The following TBC1D15 variants were observed in gnomAD, a reference collection of about 807,000 sequenced individuals.
TBC1D15 encodes TBC1 domain family member 15, also known as GAP for RAB7.
In TBC1D15, 39 loss-of-function variants were observed where a neutral mutation model predicts 95.4. That is an observed-to-expected ratio of 0.41 (90% CI 0.32 to 0.53). The LOEUF is 0.53. TBC1D15 is among the 20% of genes least tolerant of loss of function. The probability of loss-of-function intolerance (pLI) is 0.29; values close to 1 mark genes in which losing one functional copy is unlikely to be tolerated. For synonymous variants in TBC1D15, 258 were observed against 261.3 expected (o/e 0.99, Z 0.12); for missense variants, 733 against 794.3 (o/e 0.92, Z 0.93).
intron 5 of TBC1D15, among the ~76,000 whole-genome samples, chr12:71,886,726 A>G (rs1896300036): frequency 6.6e-6 from 1 of 152,182 alleles, no homozygotes; most frequent in Admixed American, 6.5e-5. Flanking sequence ...TGGATTGTGG[A>G]TCTTGGATCT....
intron 11 of TBC1D15, chr12:71,907,743 T>G (rs548319502): frequency 2.6e-5 from 4 of 152,348 alleles, no homozygotes; most frequent in African/African-American, 9.6e-5. Flanking sequence ...TTGCAAACCG[T>G]TGTTTGATAT....
At chr12:71,869,875 A>G (rs1264585692) in intron 1 of TBC1D15, among the ~76,000 whole-genome samples, 1 of 152,088 alleles carries the variant, frequency 6.6e-6, no homozygotes, top group African/African-American at 2.4e-5. Flanking sequence ...AATTATTTTT[A>G]AATATATGAC....
At chr12:71,864,360 A>T (rs1472116730) in intron 1 of TBC1D15, among the ~76,000 whole-genome samples, 1 of 151,648 alleles carries the variant, frequency 6.6e-6, no homozygotes, top group African/African-American at 2.4e-5. Flanking sequence ...GAGCTACTGC[A>T]CCCGGCTGCT....
At chr12:71,857,381 T>G (rs1226282894) in intron 1 of TBC1D15, among the ~76,000 whole-genome samples, 1 of 152,140 alleles carries the variant, frequency 6.6e-6, no homozygotes, top group Non-Finnish European at 1.5e-5. Context: ...ACAAAATAAT[T>G]TTTTTGTGAC....
intron 10 of TBC1D15, among the ~76,000 whole-genome samples, chr12:71,901,220 CTA>C (rs1395263908): frequency 6.6e-6 from 1 of 152,108 alleles, no homozygotes; most frequent in African/African-American, 2.4e-5. Context: ...TAGGGTCTCA[CTA>C]TGTTTCCCAG....
At chr12:71,868,276 C>T (rs1011259580) in intron 1 of TBC1D15, among the ~76,000 whole-genome samples, 4 of 146,770 alleles carry the variant, frequency 2.7e-5, no homozygotes, top group East Asian at 2.0e-4. Context: ...GACGGAGTCT[C>T]GCTCTGTCTC....
intron 1 of TBC1D15, among the ~76,000 whole-genome samples, chr12:71,863,953 T>G (rs1210711797): frequency 2.0e-5 from 3 of 152,186 alleles, no homozygotes; most frequent in African/African-American, 7.2e-5. Context: ...ATCTGTATTT[T>G]TTTTGTATTT....
In TBC1D15 at chr12:71,868,422, T is replaced by A. The variant is rs528772065; in HGVS notation, c.31-3648T>A. Among the ~76,000 whole-genome samples, 14 of 152,124 alleles carry A rather than the reference T, an allele frequency of 9.2e-5. No homozygotes were observed. In the East Asian group the frequency reaches 2.7e-3, roughly 29 times the overall value. ...CACCATGCCCGGATAATTTTTTCTA[T>A]TTTTTAGTAGAGACGAGGTTTCACC... On this transcript the variant is annotated intron_variant, in intron 1 of 16. Coordinates refer to ENST00000485960, the MANE Select transcript of TBC1D15 (RefSeq NM_001146213.3).
intron 1 of TBC1D15, among the ~76,000 whole-genome samples, chr12:71,857,921 C>T (rs1017843414): frequency 3.9e-5 from 6 of 152,150 alleles, no homozygotes; most frequent in East Asian, 1.9e-4. Flanking sequence ...TTAGCTTCCA[C>T]GTAAGAGAAC....
chr12:71,872,860 C>A, intron 2 of TBC1D15, 69 bp from the exon 3 acceptor site: 3 of 1,137,294 alleles, frequency 2.6e-6, no homozygotes, highest in Non-Finnish European at 3.8e-6. Flanking sequence ...ATTTTGGGTT[C>A]AGGGAATAAA....
chr12:71,869,202 C>T (rs892485943), intron 1 of TBC1D15, among the ~76,000 whole-genome samples: 2 of 151,980 alleles, frequency 1.3e-5, no homozygotes, highest in African/African-American at 4.8e-5. Flanking sequence ...TGGGATTTCA[C>T]CTATATGTGG....
chr12:71,881,916 CAAA>C (rs35977474), intron 4 of TBC1D15, among the ~76,000 whole-genome samples: 2 of 53,596 alleles, frequency 3.7e-5, no homozygotes, highest in Non-Finnish European at 3.7e-5. Context: ...GACTCCGTCT[CAAA>C]AAAAAAAAAA....
chr12:71,917,064 A>G (rs569761185), intron 12 of TBC1D15, among the ~76,000 whole-genome samples: 3 of 152,232 alleles, frequency 2.0e-5, no homozygotes, highest in African/African-American at 7.2e-5. Context: ...TACCGACACA[A>G]GAGATTGTTT....
intron 3 of TBC1D15, among the ~76,000 whole-genome samples, chr12:71,873,803 A>G (rs773434482): frequency 3.9e-5 from 6 of 152,232 alleles, no homozygotes; most frequent in Non-Finnish European, 7.3e-5. Flanking sequence ...TAAACAAATC[A>G]TCACAAACTG....
At chr12:71,879,434 C>T (rs988532671) in intron 3 of TBC1D15, among the ~76,000 whole-genome samples, 1 of 152,008 alleles carries the variant, frequency 6.6e-6, no homozygotes, top group Non-Finnish European at 1.5e-5. Flanking sequence ...CTCGCTCGGC[C>T]TCCCTTACCT....
At chr12:71,909,887 C>T (rs1339409981) in intron 11 of TBC1D15, among the ~76,000 whole-genome samples, 1 of 152,084 alleles carries the variant, frequency 6.6e-6, no homozygotes, top group African/African-American at 2.4e-5. Flanking sequence ...TTTAATCTTT[C>T]TTTAATTAAA....
intron 9 of TBC1D15, among the ~76,000 whole-genome samples, chr12:71,897,585 G>T (rs1361303073): frequency 1.3e-5 from 2 of 151,926 alleles, no homozygotes; most frequent in Non-Finnish European, 2.9e-5. Context: ...TGAGATAAAT[G>T]TTTTTGTAAA....
chr12:71,893,200 C>T (rs1232507857), intron 5 of TBC1D15, 22 bp from the exon 6 acceptor site: 5 of 1,472,026 alleles, frequency 3.4e-6, no homozygotes, highest in Non-Finnish European at 4.6e-6. Flanking sequence ...GTATTTTCTA[C>T]AAATCCTCTT....
intron 10 of TBC1D15, among the ~76,000 whole-genome samples, chr12:71,906,325 G>T (rs1900703914): frequency 6.6e-6 from 1 of 152,220 alleles, no homozygotes. Context: ...AGAGATTCAA[G>T]TTTGGAGAAT....
Sources: allele counts gnomAD v4.1 joint callset (sites outside exome capture counted in the v4.1 genomes callset), GRCh38; gene constraint gnomAD v4.1.1; transcripts MANE v1.5; gene names NCBI Gene and HGNC (gene_info 2026-07-23, HGNC 2026-07-21).